The following ARL15 variants were observed in gnomAD, a reference collection of about 807,000 sequenced individuals.
ARL15 encodes the protein ARF like GTPase 15.
In ARL15, 19 loss-of-function variants were observed where a neutral mutation model predicts 25.2. The ratio of observed to expected loss-of-function variants is 0.75; its 90% CI spans 0.53 to 1.10. ARL15 has a LOEUF of 1.10. Among genes scored for constraint, ARL15 ranks in the 50% least tolerant of loss-of-function variants. The pLI is 0.00. For synonymous variants in ARL15, 94 were observed against 86.8 expected (o/e 1.08, Z -0.46); for missense variants, 220 against 246.0 (o/e 0.89, Z 0.71).
At chr5:54,252,225 T>C (rs2112601478) in intron 1 of ARL15, among the ~76,000 whole-genome samples, 2 of 152,256 alleles carry the variant, frequency 1.3e-5, no homozygotes, top group East Asian at 1.9e-4. Context: ...TAAAAGGATC[T>C]CGACATCACT....
At chr5:53,954,623 T>G (rs921130185) in intron 4 of ARL15, among the ~76,000 whole-genome samples, 10 of 152,130 alleles carry the variant, frequency 6.6e-5, no homozygotes, top group African/African-American at 2.2e-4. Flanking sequence ...TAAGAACTCA[T>G]GTAAACAGGT....
intron 4 of ARL15, among the ~76,000 whole-genome samples, chr5:54,003,664 CTATCTATCTAT>C (rs1561184599): frequency 2.8e-4 from 4 of 14,440 alleles, no homozygotes; most frequent in South Asian, 1.6e-3. Context: ...TATTTTCTTT[CTATCTATCTAT>C]CTATCTATCT....
intron 1 of ARL15, among the ~76,000 whole-genome samples, chr5:54,210,470 T>C (rs1297361572): frequency 6.6e-6 from 1 of 152,198 alleles, no homozygotes; most frequent in African/African-American, 2.4e-5. Flanking sequence ...GATAAATGTA[T>C]TGTGAAATAT....
intron 4 of ARL15, among the ~76,000 whole-genome samples, chr5:54,052,562 G>A (rs960449820): frequency 7.9e-5 from 12 of 152,222 alleles, no homozygotes; most frequent in African/African-American, 2.4e-4. Flanking sequence ...GGTGGATAGC[G>A]TGAGCCAGAT....
intron 4 of ARL15, among the ~76,000 whole-genome samples, chr5:53,958,821 T>C: frequency 6.6e-6 from 1 of 152,294 alleles, no homozygotes; most frequent in Admixed American, 6.5e-5. Context: ...AAAAAAGATA[T>C]TATGTATTGA....
At chr5:54,306,481 C>T (rs1172031464) in intron 1 of ARL15, among the ~76,000 whole-genome samples, 1 of 150,364 alleles carries the variant, frequency 6.7e-6, no homozygotes, top group Admixed American at 6.7e-5. Flanking sequence ...ACCTCTGCCT[C>T]CTGGGTTCAA....
At chr5:54,210,150 T>C (rs1755996059) in intron 1 of ARL15, among the ~76,000 whole-genome samples, 1 of 152,188 alleles carries the variant, frequency 6.6e-6, no homozygotes, top group Non-Finnish European at 1.5e-5. Context: ...AACAAAAATA[T>C]GCTTTTTCTT....
chr5:53,998,710 CAATCAGCTTGTT>C (rs1337581713), intron 4 of ARL15, among the ~76,000 whole-genome samples: 2 of 152,206 alleles, frequency 1.3e-5, no homozygotes, highest in African/African-American at 4.8e-5. Context: ...TTCAGTGAAT[CAATCAGCTTGTT>C]ACTTACTGAG....
intron 3 of ARL15, among the ~76,000 whole-genome samples, chr5:54,127,959 T>C (rs1753314071): frequency 1.3e-5 from 2 of 151,854 alleles, no homozygotes; most frequent in South Asian, 4.1e-4. Context: ...GAAAACTGGC[T>C]AGCCATATGT....
intron 4 of ARL15, among the ~76,000 whole-genome samples, chr5:53,983,665 A>G (rs1488623603): frequency 6.6e-6 from 1 of 152,160 alleles, no homozygotes; most frequent in East Asian, 1.9e-4. Flanking sequence ...ATCATTTTTA[A>G]TAGCCCTTAA....
intron 1 of ARL15, among the ~76,000 whole-genome samples, chr5:54,218,613 C>G (rs895896565): frequency 1.3e-5 from 2 of 152,106 alleles, no homozygotes; most frequent in African/African-American, 4.8e-5. Context: ...ATAAAAACCC[C>G]TTAGGGTTTA....
At chr5:54,015,797 A>G (rs1043498928) in intron 4 of ARL15, among the ~76,000 whole-genome samples, 1 of 152,160 alleles carries the variant, frequency 6.6e-6, no homozygotes, top group Non-Finnish European at 1.5e-5. Context: ...ACCCCAAAAT[A>G]CACCCCTTTG....
At chr5:54,219,373 AG>A (rs768446220) in intron 1 of ARL15, among the ~76,000 whole-genome samples, 6 of 152,206 alleles carry the variant, frequency 3.9e-5, no homozygotes, top group Non-Finnish European at 7.3e-5. Context: ...AAGAAAAAAA[AG>A]ACTAAAATGC....
intron 4 of ARL15, among the ~76,000 whole-genome samples, chr5:53,962,855 GTTTT>G (rs1163922507): frequency 6.6e-6 from 1 of 152,078 alleles, no homozygotes; most frequent in East Asian, 1.9e-4. Context: ...TCAAAATAAG[GTTTT>G]TTTATTTTTA....
At chr5:54,146,452 C>T (rs957183129) in intron 3 of ARL15, among the ~76,000 whole-genome samples, 3 of 152,134 alleles carry the variant, frequency 2.0e-5, no homozygotes, top group African/African-American at 7.2e-5. Context: ...TTAAGTGCGC[C>T]CTGCCCAATA....
rs946239921 is a variant in ARL15 at position 53,928,073 on chromosome 5, C to T, written c.463-41360G>A. Among the ~76,000 whole-genome samples the T allele has an allele frequency of 2.6e-5, 4 of 152,110 alleles. No homozygotes were observed. The East Asian group carries it at 7.7e-4, about 29-fold the overall frequency. ...AAATGTCAGTGAATATTATTGATCT[C>T]CACACTCATTCTCAGCACAGAGCCA... On this transcript the variant is annotated intron_variant, in intron 4 of 4. Coordinates refer to ENST00000504924, the MANE Select transcript of ARL15 (RefSeq NM_019087.3).
chr5:54,261,808 T>C (rs1463089670), intron 1 of ARL15, among the ~76,000 whole-genome samples: 1 of 152,094 alleles, frequency 6.6e-6, no homozygotes, highest in African/African-American at 2.4e-5. Flanking sequence ...GGGGGTCACT[T>C]GCTCTTATCA....
chr5:54,034,759 A>G (rs1216795968), intron 4 of ARL15, among the ~76,000 whole-genome samples: 4 of 152,088 alleles, frequency 2.6e-5, no homozygotes, highest in African/African-American at 9.7e-5. Flanking sequence ...CCTGGGCTCA[A>G]GCAATCTTCG....
At chr5:53,938,569 G>A (rs1199208080) in intron 4 of ARL15, among the ~76,000 whole-genome samples, 1 of 152,208 alleles carries the variant, frequency 6.6e-6, no homozygotes, top group East Asian at 1.9e-4. Context: ...GCTCACGCCT[G>A]TAATCCCAGC....
Sources: gnomAD v4.1 joint callset for allele counts (sites outside exome capture counted in the v4.1 genomes callset) on GRCh38, gnomAD v4.1.1 for gene constraint, MANE v1.5 for transcripts, NCBI Gene and HGNC (gene_info 2026-07-23, HGNC 2026-07-21) for gene names.